The following SORCS3 variants were observed in gnomAD, a reference collection of about 807,000 sequenced individuals.
The protein encoded by SORCS3 is VPS10 domain-containing receptor SorCS3.
A neutral mutation model predicts 146.3 loss-of-function variants in SORCS3; 57 were observed. The ratio of observed to expected loss-of-function variants is 0.39; its 90% CI spans 0.31 to 0.49. The LOEUF is 0.49. Among genes scored for constraint, SORCS3 ranks in the 20% least tolerant of loss-of-function variants. SORCS3 has a pLI of 0.92. For synonymous variants in SORCS3, 653 were observed against 618.5 expected (o/e 1.06, Z -0.83); for missense variants, 1,341 against 1,575.5 (o/e 0.85, Z 2.52).
chr10:105,091,252 C>G (rs1173877851), intron 6 of SORCS3, among the ~76,000 whole-genome samples: 13 of 106,876 alleles, frequency 1.2e-4, no homozygotes, highest in Non-Finnish European at 2.0e-4. Flanking sequence ...TCCTTCCTTC[C>G]CTCCTTCCTT....
chr10:104,920,632 T>C (rs2019078132), intron 3 of SORCS3, among the ~76,000 whole-genome samples: 1 of 152,232 alleles, frequency 6.6e-6, no homozygotes, highest in African/African-American at 2.4e-5. Flanking sequence ...CCAATGGGTT[T>C]ATTTTGAGGA....
intron 1 of SORCS3, among the ~76,000 whole-genome samples, chr10:104,699,970 G>A (rs1158695935): frequency 6.6e-6 from 1 of 152,166 alleles, no homozygotes; most frequent in Non-Finnish European, 1.5e-5. Flanking sequence ...GAATAAAAAT[G>A]TAATAAATAC....
At chr10:105,029,041 C>T (rs1427916260) in intron 4 of SORCS3, among the ~76,000 whole-genome samples, 2 of 152,164 alleles carry the variant, frequency 1.3e-5, no homozygotes, top group East Asian at 1.9e-4. Context: ...TTTACAAAAA[C>T]GGGTGGGTCA....
At chr10:104,776,432 G>C (rs970478184) in intron 1 of SORCS3, among the ~76,000 whole-genome samples, 2 of 152,128 alleles carry the variant, frequency 1.3e-5, no homozygotes, top group Non-Finnish European at 2.9e-5. Context: ...TCATCTAAAA[G>C]TCAATTACAT....
chr10:104,776,472 A>G (rs1037240053), intron 1 of SORCS3, among the ~76,000 whole-genome samples: 5 of 152,166 alleles, frequency 3.3e-5, no homozygotes, highest in Non-Finnish European at 5.9e-5. Flanking sequence ...CAAGACATTT[A>G]TGCTTAATAT....
chr10:104,936,497 A>G (rs141973401), intron 3 of SORCS3, among the ~76,000 whole-genome samples: 7 of 152,318 alleles, frequency 4.6e-5, no homozygotes, highest in African/African-American at 1.7e-4. Flanking sequence ...GGAACTGGGC[A>G]TATTAACAAA....
chr10:105,106,539 C>G (rs2055823066), intron 7 of SORCS3, among the ~76,000 whole-genome samples: 1 of 152,196 alleles, frequency 6.6e-6, no homozygotes, highest in African/African-American at 2.4e-5. Context: ...ATATTTTATA[C>G]ACACAGTTGA....
intron 7 of SORCS3, among the ~76,000 whole-genome samples, chr10:105,124,246 A>G (rs984882908): frequency 2.6e-5 from 4 of 152,222 alleles, no homozygotes; most frequent in African/African-American, 7.2e-5. Flanking sequence ...TGTCTATTGA[A>G]AAGAACATTA....
chr10:104,695,172 A>C (rs947111633), intron 1 of SORCS3, among the ~76,000 whole-genome samples: 5 of 152,328 alleles, frequency 3.3e-5, no homozygotes, highest in African/African-American at 1.2e-4. Flanking sequence ...ACAAGAAATC[A>C]TATACTCTCT....
At chr10:104,699,722 C>G (rs2016257875) in intron 1 of SORCS3, among the ~76,000 whole-genome samples, 1 of 152,036 alleles carries the variant, frequency 6.6e-6, no homozygotes, top group Non-Finnish European at 1.5e-5. Context: ...TCTTTAATGT[C>G]AGTTTGAAAT....
intron 9 of SORCS3, among the ~76,000 whole-genome samples, chr10:105,154,516 C>T (rs1169206898): frequency 1.3e-5 from 2 of 152,164 alleles, no homozygotes; most frequent in Non-Finnish European, 2.9e-5. Flanking sequence ...TGTTCTCTTC[C>T]GTGGGCACCA....
At chr10:104,813,605 C>G (rs2017763289) in intron 1 of SORCS3, among the ~76,000 whole-genome samples, 2 of 152,154 alleles carry the variant, frequency 1.3e-5, no homozygotes, top group South Asian at 4.1e-4. Flanking sequence ...GGGTGGCTCT[C>G]TGCTCTACAG....
At chr10:104,865,654 A>C (rs1375425945) in intron 2 of SORCS3, among the ~76,000 whole-genome samples, 3 of 152,226 alleles carry the variant, frequency 2.0e-5, no homozygotes, top group Non-Finnish European at 2.9e-5. Flanking sequence ...AGGAAAGTTA[A>C]GACAGAAAGA....
At chr10:104,926,567 A>G (rs2019149417) in intron 3 of SORCS3, among the ~76,000 whole-genome samples, 2 of 152,248 alleles carry the variant, frequency 1.3e-5, no homozygotes, top group Non-Finnish European at 1.5e-5. Context: ...ATCAGATCCC[A>G]TTAGGGCTAA....
chr10:105,019,076 G>A (rs1342988), intron 4 of SORCS3, among the ~76,000 whole-genome samples: 47,914 of 151,686 alleles, frequency 0.32, 9,032 homozygotes, highest in African/African-American at 0.53. Flanking sequence ...TTTTATCTTT[G>A]TTTGACAACA....
At chr10:104,900,346 CT>C (rs1459064405) in intron 2 of SORCS3, among the ~76,000 whole-genome samples, 1 of 152,130 alleles carries the variant, frequency 6.6e-6, no homozygotes, top group Non-Finnish European at 1.5e-5. Context: ...CTTCTTCTAC[CT>C]GTCTTTTATT....
chr10:104,658,941 T>C (rs1419210022), intron 1 of SORCS3, among the ~76,000 whole-genome samples: 1 of 152,138 alleles, frequency 6.6e-6, no homozygotes, highest in Non-Finnish European at 1.5e-5. Flanking sequence ...GCCAGCTTTA[T>C]GAAATGGTGT....
intron 11 of SORCS3, among the ~76,000 whole-genome samples, chr10:105,162,493 C>G (rs1477131386): frequency 6.6e-6 from 1 of 152,194 alleles, no homozygotes; most frequent in Non-Finnish European, 1.5e-5. Context: ...CAGAAATCAC[C>G]CACAGAGCCA....
At chr10:105,137,724 A>G (rs2056068511) in intron 7 of SORCS3, among the ~76,000 whole-genome samples, 1 of 152,208 alleles carries the variant, frequency 6.6e-6, no homozygotes, top group Non-Finnish European at 1.5e-5. Flanking sequence ...CTATTGAATC[A>G]GAGACTCTGC....
Sources: allele counts gnomAD v4.1 joint callset (sites outside exome capture counted in the v4.1 genomes callset), GRCh38; gene constraint gnomAD v4.1.1; transcripts MANE v1.5; gene names NCBI Gene and HGNC (gene_info 2026-07-23, HGNC 2026-07-21).